CSMD2: variants seen among roughly 807,000 people sequenced by gnomAD.
CSMD2 encodes the protein CUB and Sushi multiple domains 2.
In CSMD2, 130 loss-of-function variants were observed where a neutral mutation model predicts 398.5. The ratio of observed to expected loss-of-function variants is 0.33; its 90% CI spans 0.28 to 0.38. The LOEUF is 0.38. CSMD2 is among the 10% of genes least tolerant of loss of function. CSMD2 has a pLI of 1.00. For synonymous variants in CSMD2, 1,828 were observed against 1,908.5 expected (o/e 0.96, Z 1.10); for missense variants, 3,829 against 4,764.9 (o/e 0.80, Z 5.78).
intron 6 of CSMD2, among the ~76,000 whole-genome samples, chr1:33,829,137 G>C (rs1294272684): frequency 2.0e-5 from 3 of 152,154 alleles, no homozygotes; most frequent in Non-Finnish European, 4.4e-5. Flanking sequence ...TGTTAGCGCA[G>C]GGAAATACAG....
In CSMD2 at chr1:33,611,857, C is replaced by T. The variant is rs185873698; in HGVS notation, c.6134-607G>A. ...ACATAGTAATATACTCTTTCAAGAA[C>T]GAAGGTGGGAACATTTATGTTTGTT... On this transcript the variant is annotated intron_variant, in intron 40 of 70. Transcript: ENST00000373381. Among the ~76,000 whole-genome samples the T allele has an allele frequency of 1.7e-4, 26 of 152,088 alleles. No individual in the cohort carries two copies. In the East Asian group the frequency reaches 2.3e-3, roughly 14 times the overall value.
At chr1:33,694,237 C>T (rs1645340979) in intron 24 of CSMD2, among the ~76,000 whole-genome samples, 1 of 152,142 alleles carries the variant, frequency 6.6e-6, no homozygotes, top group Non-Finnish European at 1.5e-5. Context: ...TTAGTGGTTG[C>T]CAGGGCCTGG....
At chr1:34,076,132 G>A (rs1272228634) in intron 2 of CSMD2, among the ~76,000 whole-genome samples, 1 of 152,230 alleles carries the variant, frequency 6.6e-6, no homozygotes, top group African/African-American at 2.4e-5. Context: ...ATTGGGAGAT[G>A]AATAGCATCT....
intron 25 of CSMD2, among the ~76,000 whole-genome samples, chr1:33,663,378 C>T (rs1236047698): frequency 6.6e-6 from 1 of 152,156 alleles, no homozygotes; most frequent in Non-Finnish European, 1.5e-5. Flanking sequence ...GACTGCATCC[C>T]TCTCCTCAAC....
At chr1:33,723,017 A>G (rs1001692834) in intron 19 of CSMD2, among the ~76,000 whole-genome samples, 1 of 152,142 alleles carries the variant, frequency 6.6e-6, no homozygotes. Flanking sequence ...TTACTTATAT[A>G]CTAAAGTCTG....
At position 33,635,457 on chromosome 1, in the gene CSMD2, T is replaced by A. The variant is rs1470051704; in HGVS notation, c.4970-127A>T. The A allele has an allele frequency of 3.3e-6, 2 of 599,098 alleles. No homozygotes were observed. The highest frequency in any genetic ancestry group is 5.9e-6 in the Non-Finnish European group (2 of 336,850). The allele number at this position is 599,098 out of a possible 1,614,324, so 37.1% of individuals were successfully genotyped here. ...TGCCCTGAGGTGGGCAGGCCCTAGC[T>A]TGGAGAAGGCAAGTCCTGCGGACCC... is the stretch of plus-strand genomic sequence containing the variant. On this transcript the variant is annotated intron_variant, in intron 30 of 70. Transcript: ENST00000373381. The surrounding 1 kb of genome is among the most constrained non-coding windows in gnomAD (Gnocchi z 5.0).
chr1:33,544,991 C>G (rs1407894606), intron 57 of CSMD2, among the ~76,000 whole-genome samples: 4 of 152,122 alleles, frequency 2.6e-5, no homozygotes, highest in African/African-American at 9.7e-5. Context: ...GCAAAATGAG[C>G]TTGAACAAAA....
intron 67 of CSMD2, 147 bp from the exon 68 acceptor site, chr1:33,521,697 G>A (rs1654315499): frequency 3.1e-6 from 2 of 652,210 alleles, no homozygotes; most frequent in Non-Finnish European, 5.6e-6. Flanking sequence ...ACCTAGGCAA[G>A]GGTGGGTGTG....
intron 1 of CSMD2, among the ~76,000 whole-genome samples, chr1:34,092,852 G>C (rs1658793230): frequency 6.6e-6 from 1 of 152,196 alleles, no homozygotes; most frequent in African/African-American, 2.4e-5. Context: ...CCATTGCCCA[G>C]GCTTGCTTAG....
At chr1:33,707,072 G>A (rs1645811172) in intron 22 of CSMD2, among the ~76,000 whole-genome samples, 1 of 152,120 alleles carries the variant, frequency 6.6e-6, no homozygotes, top group African/African-American at 2.4e-5. Context: ...CCAGAACCCT[G>A]ACGGTGCCGT....
At chr1:33,696,587 T>A (rs1401780781) in intron 24 of CSMD2, among the ~76,000 whole-genome samples, 3 of 151,864 alleles carry the variant, frequency 2.0e-5, no homozygotes, top group Non-Finnish European at 2.9e-5. Context: ...GCTAGAAAGG[T>A]GGGAGGGCAT....
intron 4 of CSMD2, among the ~76,000 whole-genome samples, chr1:33,920,814 A>G (rs922383336): frequency 2.0e-5 from 3 of 152,198 alleles, no homozygotes; most frequent in Admixed American, 1.3e-4. Context: ...AGCTACCCCA[A>G]TAATCCAGTG....
At chr1:33,740,993 T>C (rs529007932) in intron 14 of CSMD2, among the ~76,000 whole-genome samples, 51 of 151,580 alleles carry the variant, frequency 3.4e-4, no homozygotes, top group African/African-American at 1.2e-3. Flanking sequence ...TCTTGCTTTA[T>C]GGAGTTTTTG....
chr1:34,028,020 G>A (rs1163259548), intron 3 of CSMD2, among the ~76,000 whole-genome samples: 1 of 152,180 alleles, frequency 6.6e-6, no homozygotes, highest in African/African-American at 2.4e-5. Flanking sequence ...AGGATGCTCA[G>A]TTATATTTAA....
At chr1:34,046,070 G>A (rs1652487743) in intron 2 of CSMD2, among the ~76,000 whole-genome samples, 1 of 152,208 alleles carries the variant, frequency 6.6e-6, no homozygotes, top group Admixed American at 6.5e-5. Flanking sequence ...CAAACTATTA[G>A]CTCAAGGTGG....
intron 19 of CSMD2, among the ~76,000 whole-genome samples, chr1:33,719,414 A>T (rs1052402183): frequency 2.0e-5 from 3 of 152,200 alleles, no homozygotes; most frequent in African/African-American, 7.2e-5. Context: ...AAGGATGAGC[A>T]AACATCTGAG....
chr1:33,999,035 A>G (rs1213276197), intron 3 of CSMD2, among the ~76,000 whole-genome samples: 1 of 152,206 alleles, frequency 6.6e-6, no homozygotes, highest in African/African-American at 2.4e-5. Flanking sequence ...AGGTATGGCC[A>G]GCCTCTCTGA....
At chr1:33,859,231 G>A (rs1482409366) in intron 5 of CSMD2, among the ~76,000 whole-genome samples, 1 of 152,220 alleles carries the variant, frequency 6.6e-6, no homozygotes, top group Non-Finnish European at 1.5e-5. Context: ...CAAGATCAAG[G>A]TGTGGGGAGG....
chr1:33,742,284 T>G (rs1258194406), intron 14 of CSMD2, among the ~76,000 whole-genome samples: 3 of 152,220 alleles, frequency 2.0e-5, no homozygotes, highest in Non-Finnish European at 4.4e-5. Context: ...ATGTCTTCAG[T>G]CCAACTGGAC....
Sources: allele counts gnomAD v4.1 joint callset (sites outside exome capture counted in the v4.1 genomes callset), GRCh38; gene constraint gnomAD v4.1.1; non-coding constraint Gnocchi (gnomAD v3.1); transcripts MANE v1.5; gene names NCBI Gene and HGNC (gene_info 2026-07-23, HGNC 2026-07-21).